The following DLG2 variants were observed in gnomAD, a reference collection of about 807,000 sequenced individuals.
DLG2 encodes discs large MAGUK scaffold protein 2.
In DLG2, 45 loss-of-function variants were observed where a neutral mutation model predicts 132.5. The observed-to-expected ratio is 0.34, with a 90% CI of 0.27 to 0.44. The LOEUF (loss-of-function observed/expected upper bound fraction) is 0.44. Among genes scored for constraint, DLG2 ranks in the 20% least tolerant of loss-of-function variants. The probability of loss-of-function intolerance (pLI) is 1.00; values close to 1 mark genes in which losing one functional copy is unlikely to be tolerated. For synonymous variants in DLG2, 424 were observed against 419.6 expected (o/e 1.01, Z -0.13); for missense variants, 1,045 against 1,196.9 (o/e 0.87, Z 1.87).
chr11:84,280,867 A>ATTTTT (rs35970331), intron 7 of DLG2, among the ~76,000 whole-genome samples: 31 of 67,694 alleles, frequency 4.6e-4, no homozygotes, highest in South Asian at 7.1e-4. Context: ...TGCCCAGCCA[A>ATTTTT]TTTTTTTTTT....
chr11:84,732,447 C>T (rs542089952), intron 6 of DLG2, among the ~76,000 whole-genome samples: 1 of 152,130 alleles, frequency 6.6e-6, no homozygotes, highest in Non-Finnish European at 1.5e-5. Context: ...ATCATTTTCA[C>T]TGTAGCCATT....
At chr11:85,519,399 T>A (rs1008428272) in intron 3 of DLG2, among the ~76,000 whole-genome samples, 23 of 152,220 alleles carry the variant, frequency 1.5e-4, no homozygotes, top group African/African-American at 5.3e-4. Flanking sequence ...TTTGGAGCTT[T>A]AAGATTTGAC....
chr11:84,373,412 A>G (rs2098716976), intron 7 of DLG2, among the ~76,000 whole-genome samples: 1 of 151,984 alleles, frequency 6.6e-6, no homozygotes, highest in Non-Finnish European at 1.5e-5. Flanking sequence ...TCTACTAAAA[A>G]TAGAAAAATT....
intron 3 of DLG2, among the ~76,000 whole-genome samples, chr11:85,454,416 C>A (rs566833128): frequency 6.6e-6 from 1 of 151,918 alleles, no homozygotes; most frequent in East Asian, 1.9e-4. Flanking sequence ...TGTTCTGTAT[C>A]GATTTTGCAT....
intron 18 of DLG2, among the ~76,000 whole-genome samples, chr11:83,783,038 A>G (rs2094901305): frequency 6.6e-6 from 1 of 152,232 alleles, no homozygotes; most frequent in African/African-American, 2.4e-5. Context: ...AATCCTCTTG[A>G]AAGAAAGAAA....
At chr11:84,079,182 AAT>A (rs1032369464) in intron 10 of DLG2, among the ~76,000 whole-genome samples, 2 of 152,176 alleles carry the variant, frequency 1.3e-5, no homozygotes, top group Non-Finnish European at 2.9e-5. Flanking sequence ...TATATTTCAA[AAT>A]ATGTCTATTT....
intron 3 of DLG2, among the ~76,000 whole-genome samples, chr11:85,320,568 T>C (rs2080991462): frequency 6.6e-6 from 1 of 151,810 alleles, no homozygotes; most frequent in Non-Finnish European, 1.5e-5. Context: ...AATAAATATA[T>C]GATATATGTC....
At chr11:84,353,925 T>C (rs759454043) in intron 7 of DLG2, among the ~76,000 whole-genome samples, 8 of 152,180 alleles carry the variant, frequency 5.3e-5, no homozygotes, top group African/African-American at 1.9e-4. Flanking sequence ...ATTGGTCAGA[T>C]AGCTGATATA....
In DLG2 at chr11:85,065,880, T is replaced by A. The variant is rs188626496; in HGVS notation, c.357+45781A>T. On this transcript the variant is annotated intron_variant, in intron 6 of 27. Coordinates refer to ENST00000376104, the MANE Select transcript of DLG2 (RefSeq NM_001142699.3). ...GTAAAAAAAATAGAAAGATCTCAAA[T>A]TAACGATTTAACATCACACCTCAAA... Among the ~76,000 whole-genome samples the A allele has an allele frequency of 2.1e-3, 315 of 151,370 alleles. 1 individual carries two copies. The highest frequency in any genetic ancestry group is 7.4e-3 in the African/African-American group (306 of 41,378).
At chr11:85,334,820 G>T (rs554361490) in intron 3 of DLG2, among the ~76,000 whole-genome samples, 1 of 152,244 alleles carries the variant, frequency 6.6e-6, no homozygotes, top group East Asian at 1.9e-4. Context: ...TTATTAAATT[G>T]TAGAGAACTG....
chr11:84,202,454 T>C (rs761442926), intron 8 of DLG2, among the ~76,000 whole-genome samples: 1 of 152,126 alleles, frequency 6.6e-6, no homozygotes, highest in Non-Finnish European at 1.5e-5. Context: ...TTAAACCTTA[T>C]ACAAAAATTA....
intron 7 of DLG2, among the ~76,000 whole-genome samples, chr11:84,420,888 T>A (rs1396270778): frequency 6.6e-6 from 1 of 151,848 alleles, no homozygotes; most frequent in Non-Finnish European, 1.5e-5. Context: ...CAGGATGGTC[T>A]CGATCTCCTG....
intron 16 of DLG2, among the ~76,000 whole-genome samples, chr11:83,846,791 A>G (rs1489722356): frequency 9.2e-5 from 14 of 152,130 alleles, no homozygotes; most frequent in Non-Finnish European, 4.4e-5. Flanking sequence ...TCTTATCCAC[A>G]TATCAAACAT....
intron 19 of DLG2, among the ~76,000 whole-genome samples, chr11:83,583,916 A>G (rs2097030387): frequency 6.6e-6 from 1 of 152,214 alleles, no homozygotes; most frequent in African/African-American, 2.4e-5. Flanking sequence ...TAGCCCAAGA[A>G]TGACAGAATT....
chr11:83,710,747 A>C (rs938455471), intron 18 of DLG2, among the ~76,000 whole-genome samples: 1 of 152,216 alleles, frequency 6.6e-6, no homozygotes, highest in Non-Finnish European at 1.5e-5. Flanking sequence ...CAACAGAAAT[A>C]AATTTTCTGA....
intron 9 of DLG2, among the ~76,000 whole-genome samples, chr11:84,150,771 AG>A (rs1038998306): frequency 6.6e-6 from 1 of 152,022 alleles, no homozygotes; most frequent in Non-Finnish European, 1.5e-5. Flanking sequence ...TATTATTTTG[AG>A]GTATGTTTCT....
chr11:85,462,626 G>A (rs1481419687), intron 3 of DLG2, among the ~76,000 whole-genome samples: 1 of 151,258 alleles, frequency 6.6e-6, no homozygotes, highest in African/African-American at 2.4e-5. Context: ...ACAGGAAGGG[G>A]AACATCACAC....
At chr11:85,297,346 G>A (rs1029780293) in intron 3 of DLG2, among the ~76,000 whole-genome samples, 3 of 152,074 alleles carry the variant, frequency 2.0e-5, no homozygotes, top group Non-Finnish European at 4.4e-5. Context: ...AGAACCATCC[G>A]ATCAACTGCA....
intron 6 of DLG2, among the ~76,000 whole-genome samples, chr11:84,628,414 GT>G (rs2099626364): frequency 6.6e-6 from 1 of 152,184 alleles, no homozygotes; most frequent in Non-Finnish European, 1.5e-5. Flanking sequence ...GATATTTGAT[GT>G]TTGTGTAAAT....
Sources: allele counts gnomAD v4.1 joint callset (sites outside exome capture counted in the v4.1 genomes callset), GRCh38; gene constraint gnomAD v4.1.1; transcripts MANE v1.5; gene names NCBI Gene and HGNC (gene_info 2026-07-23, HGNC 2026-07-21).